GALNT1: variants seen among roughly 807,000 people sequenced by gnomAD.
GALNT1 encodes the protein polypeptide N-acetylgalactosaminyltransferase 1, also known as GalNAc transferase 1.
Under a neutral mutation model 65.7 loss-of-function variants are expected in GALNT1, and 17 were observed. The ratio of observed to expected loss-of-function variants is 0.26; its 90% CI spans 0.18 to 0.39. GALNT1 has a LOEUF of 0.39. Ranked by LOEUF, GALNT1 falls within the 10% of genes least tolerant of loss-of-function variation. The pLI is 1.00. For synonymous variants in GALNT1, 210 were observed against 219.7 expected (o/e 0.96, Z 0.39); for missense variants, 460 against 672.8 (o/e 0.68, Z 3.50).
intron 3 of GALNT1, among the ~76,000 whole-genome samples, chr18:35,676,272 G>A (rs1049263420): frequency 2.0e-5 from 3 of 152,248 alleles, no homozygotes; most frequent in South Asian, 2.1e-4. Context: ...AGACCATCCT[G>A]TGAAAGGGGT....
chr18:35,673,369 A>G (rs1025196392), intron 3 of GALNT1, among the ~76,000 whole-genome samples: 6 of 152,220 alleles, frequency 3.9e-5, no homozygotes, highest in Non-Finnish European at 8.8e-5. Context: ...TATAAGTTTT[A>G]TCATAATTTG....
At chr18:35,704,792 C>T (rs1033836365) in intron 11 of GALNT1, among the ~76,000 whole-genome samples, 2 of 151,946 alleles carry the variant, frequency 1.3e-5, no homozygotes, top group East Asian at 1.9e-4. Context: ...TACAGGTGCC[C>T]GCCACCATGC....
At chr18:35,620,440 C>A (rs2046836466) in intron 1 of GALNT1, among the ~76,000 whole-genome samples, 1 of 152,118 alleles carries the variant, frequency 6.6e-6, no homozygotes. Context: ...ATTGAATGAA[C>A]AACTAGCAGT....
At chr18:35,659,800 A>T (rs1273929213) in intron 2 of GALNT1, 1 of 152,230 alleles carries the variant, frequency 6.6e-6, no homozygotes, top group African/African-American at 2.4e-5. Context: ...AAATATTACT[A>T]GTAAAGGCTA....
At chr18:35,685,238 A>ATGC (rs1486097974) in intron 5 of GALNT1, among the ~76,000 whole-genome samples, 1 of 152,214 alleles carries the variant, frequency 6.6e-6, no homozygotes, top group African/African-American at 2.4e-5. Flanking sequence ...ACGTGCACGT[A>ATGC]TGCGTGTAAA....
chr18:35,621,392 T>C (rs1452429395), intron 1 of GALNT1, among the ~76,000 whole-genome samples: 1 of 147,360 alleles, frequency 6.8e-6, no homozygotes, highest in East Asian at 2.0e-4. Context: ...GCGGTCTTCC[T>C]ATGTTGCCCA....
At chr18:35,647,490 T>C (rs1302017324) in intron 1 of GALNT1, among the ~76,000 whole-genome samples, 1 of 152,210 alleles carries the variant, frequency 6.6e-6, no homozygotes, top group Admixed American at 6.5e-5. Flanking sequence ...GCAAATAGAA[T>C]ATAAAATTAA....
intron 1 of GALNT1, among the ~76,000 whole-genome samples, chr18:35,602,789 T>C (rs1259973576): frequency 6.6e-6 from 1 of 152,226 alleles, no homozygotes; most frequent in Non-Finnish European, 1.5e-5. Context: ...TGATTTCCCA[T>C]AGAATTGTTA....
chr18:35,617,028 A>G (rs1568016403), intron 1 of GALNT1, among the ~76,000 whole-genome samples: 1 of 152,128 alleles, frequency 6.6e-6, no homozygotes, highest in Non-Finnish European at 1.5e-5. Flanking sequence ...AAACTTTATG[A>G]GTAGTTCCTT....
At chr18:35,610,499 CTA>C (rs1408581168) in intron 1 of GALNT1, among the ~76,000 whole-genome samples, 1 of 152,104 alleles carries the variant, frequency 6.6e-6, no homozygotes, top group Non-Finnish European at 1.5e-5. Context: ...TGCTGTAGAT[CTA>C]GAGCCCAGCA....
rs541494606 is a variant in GALNT1 at position 35,672,029 on chromosome 18, CATT to C, written c.315-5560_315-5558del. Among the ~76,000 whole-genome samples, 1,189 of 152,276 alleles carry C rather than the reference CATT, an allele frequency of 7.8e-3. 15 individuals are homozygous for C. Among genetic ancestry groups the C allele is most frequent in the Non-Finnish European group, 7.8e-3 (529 of 68,030 alleles). ...TCAAATTGTCTCTAGGTAAATTTCT[CATT>C]AATATCTTGATAGTGGCAAAGTCCA... On this transcript the variant is annotated intron_variant, in intron 3 of 11. Transcript: ENST00000269195.
intron 1 of GALNT1, among the ~76,000 whole-genome samples, chr18:35,627,934 C>A (rs1366999406): frequency 1.3e-5 from 2 of 149,394 alleles, no homozygotes; most frequent in South Asian, 2.2e-4. Flanking sequence ...CCGTGCCTGG[C>A]TCGGAGGGTC....
intron 2 of GALNT1, 128 bp from the exon 3 acceptor site, chr18:35,663,500 G>T (rs2047505111): frequency 2.2e-6 from 2 of 890,680 alleles, no homozygotes; most frequent in South Asian, 1.8e-5. Flanking sequence ...AACAGCCTAG[G>T]AGAGGGTGGG....
intron 4 of GALNT1, among the ~76,000 whole-genome samples, chr18:35,680,665 C>T (rs920103190): frequency 6.6e-6 from 1 of 152,162 alleles, no homozygotes; most frequent in East Asian, 1.9e-4. Flanking sequence ...TTCAAGTTAA[C>T]CTGCTGAGTA....
chr18:35,684,221 G>A lies in GALNT1; in HGVS notation c.689+623G>A, dbSNP rs139363534. On this transcript the variant is annotated intron_variant, in intron 5 of 11. Transcript: ENST00000269195. ...GTTGGTTGAATTTCTGCTTGTCATT[G>A]TAATTTGAGGTAGAGACTGTCCATG... is the stretch of plus-strand genomic sequence containing the variant. 2.9e-3 allele frequency among the ~76,000 whole-genome samples: 438 copies of A among 152,012 alleles called. 1 individual carries two copies. Among genetic ancestry groups the A allele is most frequent in the African/African-American group, 9.8e-3 (405 of 41,394 alleles).
At chr18:35,700,244 A>T (rs1271588188) in intron 9 of GALNT1, among the ~76,000 whole-genome samples, 1 of 152,224 alleles carries the variant, frequency 6.6e-6, no homozygotes, top group African/African-American at 2.4e-5. Flanking sequence ...ATGTCCCTTC[A>T]GCTACAAAGA....
chr18:35,609,075 A>G (rs570125934), intron 1 of GALNT1, among the ~76,000 whole-genome samples: 1 of 152,338 alleles, frequency 6.6e-6, no homozygotes, highest in East Asian at 1.9e-4. Flanking sequence ...CCAGAAATCC[A>G]GTTACCCAGT....
At chr18:35,605,304 C>T (rs1380655982) in intron 1 of GALNT1, among the ~76,000 whole-genome samples, 1 of 152,042 alleles carries the variant, frequency 6.6e-6, no homozygotes, top group Admixed American at 6.6e-5. Flanking sequence ...TCAAGACCAG[C>T]CTGGCCAACA....
intron 1 of GALNT1, among the ~76,000 whole-genome samples, chr18:35,628,418 CT>C (rs1219982555): frequency 3.9e-5 from 6 of 152,194 alleles, no homozygotes; most frequent in Admixed American, 3.9e-4. Flanking sequence ...CCAGTATTCG[CT>C]GTTCTGCAGC....
Sources: allele counts gnomAD v4.1 joint callset (sites outside exome capture counted in the v4.1 genomes callset), GRCh38; gene constraint gnomAD v4.1.1; transcripts MANE v1.5; gene names NCBI Gene and HGNC (gene_info 2026-07-23, HGNC 2026-07-21).